Variants in CNTNAP5 observed in about 807,000 individuals in gnomAD.
The protein encoded by CNTNAP5 is contactin-associated protein-like 5.
In CNTNAP5, 72 loss-of-function variants were observed where a neutral mutation model predicts 150.2. That is an observed-to-expected ratio of 0.48 (90% CI 0.40 to 0.58). CNTNAP5 has a LOEUF of 0.58. Among genes scored for constraint, CNTNAP5 ranks in the 20% least tolerant of loss-of-function variants. The pLI is 0.00. For synonymous variants in CNTNAP5, 672 were observed against 619.8 expected (o/e 1.08, Z -1.25); for missense variants, 1,636 against 1,626.2 (o/e 1.01, Z -0.10).
intron 12 of CNTNAP5, among the ~76,000 whole-genome samples, chr2:124,633,763 A>T (rs1587789): frequency 0.52 from 79,538 of 152,070 alleles, 21,928 homozygotes; most frequent in Non-Finnish European, 0.62. Flanking sequence ...TTTCCAAATA[A>T]TTTTTGAAAT....
chr2:124,433,674 A>G (rs999821486), intron 4 of CNTNAP5, among the ~76,000 whole-genome samples: 2 of 152,186 alleles, frequency 1.3e-5, no homozygotes, highest in Non-Finnish European at 2.9e-5. Context: ...AAAGCTCATT[A>G]TAAAAGTTTT....
At chr2:124,877,567 G>A (rs935324244) in intron 21 of CNTNAP5, among the ~76,000 whole-genome samples, 3 of 152,054 alleles carry the variant, frequency 2.0e-5, no homozygotes, top group Non-Finnish European at 4.4e-5. Flanking sequence ...AAAAACTATT[G>A]AGCATTACTA....
chr2:124,766,185 T>C (rs1223018890), intron 16 of CNTNAP5, among the ~76,000 whole-genome samples: 1 of 152,134 alleles, frequency 6.6e-6, no homozygotes, highest in Admixed American at 6.5e-5. Flanking sequence ...TGGGGTAGGC[T>C]GTACCCACCA....
Position 124,645,049 on chromosome 2 carries a change from A to G in CNTNAP5, c.1877-2709A>G, listed in dbSNP as rs1260146076. Among the ~76,000 whole-genome samples the G allele has an allele frequency of 3.3e-5, 5 of 152,288 alleles. No individual in the cohort carries two copies. The South Asian group carries it at 8.3e-4, about 25-fold the overall frequency. ...GGTTTTCCTTGTCTTCTTTGTATAA[A>G]CATCATGGACATTTCAAAACTGTCC... On this transcript the variant is annotated intron_variant, in intron 12 of 23. Transcript: ENST00000682447.
intron 1 of CNTNAP5, among the ~76,000 whole-genome samples, chr2:124,039,863 A>G (rs568921624): frequency 6.6e-6 from 1 of 151,984 alleles, no homozygotes; most frequent in African/African-American, 2.4e-5. Flanking sequence ...ATATATATGC[A>G]TGCTCAGATT....
chr2:124,240,383 GA>G (rs1446916380), intron 2 of CNTNAP5, among the ~76,000 whole-genome samples: 1 of 152,128 alleles, frequency 6.6e-6, no homozygotes, highest in African/African-American at 2.4e-5. Context: ...CGCTAGCCTG[GA>G]AGTGGCACAA....
intron 19 of CNTNAP5, among the ~76,000 whole-genome samples, chr2:124,858,946 A>G (rs1431666706): frequency 6.6e-6 from 1 of 152,202 alleles, no homozygotes; most frequent in Admixed American, 6.5e-5. Context: ...ACCTAAAACC[A>G]TGAAAACCCT....
chr2:124,277,859 C>T (rs1481050218), intron 3 of CNTNAP5, among the ~76,000 whole-genome samples: 2 of 152,136 alleles, frequency 1.3e-5, no homozygotes, highest in Non-Finnish European at 2.9e-5. Context: ...AGGGTCCATG[C>T]ATTAGCAATC....
At chr2:124,164,123 A>G (rs778524737) in intron 1 of CNTNAP5, among the ~76,000 whole-genome samples, 5 of 152,216 alleles carry the variant, frequency 3.3e-5, no homozygotes, top group Non-Finnish European at 7.3e-5. Context: ...GCACTTTTGA[A>G]GTCTTTCAGC....
intron 3 of CNTNAP5, among the ~76,000 whole-genome samples, chr2:124,348,175 T>G (rs1334332702): frequency 6.6e-6 from 1 of 152,196 alleles, no homozygotes; most frequent in African/African-American, 2.4e-5. Context: ...TAAAACGCAT[T>G]TTAATTTTTT....
intron 1 of CNTNAP5, among the ~76,000 whole-genome samples, chr2:124,175,416 C>T (rs1569275): frequency 0.017 from 2,602 of 151,562 alleles, 83 homozygotes; most frequent in African/African-American, 0.059. Context: ...AAATAATATC[C>T]GTATATTCTC....
chr2:124,361,101 C>A (rs967022548), intron 3 of CNTNAP5, among the ~76,000 whole-genome samples: 4 of 145,644 alleles, frequency 2.7e-5, no homozygotes, highest in African/African-American at 2.6e-5. Context: ...TTGATCGCAT[C>A]GGCTCCTGAG....
chr2:124,344,740 A>T (rs557323973), intron 3 of CNTNAP5, among the ~76,000 whole-genome samples: 197 of 152,282 alleles, frequency 1.3e-3, no homozygotes, highest in African/African-American at 4.6e-3. Context: ...CGGGTGACAG[A>T]GTGAGACCCT....
chr2:124,566,179 T>C (rs1392488132), intron 11 of CNTNAP5, among the ~76,000 whole-genome samples: 1 of 152,142 alleles, frequency 6.6e-6, no homozygotes, highest in Non-Finnish European at 1.5e-5. Context: ...TCAGTGCTGC[T>C]GTAAGAAGTC....
Position 124,275,660 on chromosome 2 carries a change from T to C in CNTNAP5, c.381+33267T>C, listed in dbSNP as rs560402007. Among the ~76,000 whole-genome samples the C allele has an allele frequency of 2.3e-4, 35 of 152,266 alleles. No homozygotes were observed. The South Asian group carries it at 7.1e-3, about 31-fold the overall frequency. ...CCCTTCCAATGGCTGCCTTGCTTCT[T>C]GACCCATGGTTTTTCTTACATTCTG... On this transcript the variant is annotated intron_variant, in intron 3 of 23. Coordinates refer to ENST00000682447, the MANE Select transcript of CNTNAP5 (RefSeq NM_001367498.1).
intron 1 of CNTNAP5, among the ~76,000 whole-genome samples, chr2:124,162,936 T>G (rs1310529987): frequency 2.0e-5 from 3 of 151,924 alleles, no homozygotes; most frequent in African/African-American, 7.3e-5. Context: ...ACAGACAGAG[T>G]CCTTTGAAAG....
chr2:124,438,538 A>T (rs981703931), intron 5 of CNTNAP5, among the ~76,000 whole-genome samples: 2 of 152,096 alleles, frequency 1.3e-5, no homozygotes, highest in African/African-American at 4.8e-5. Context: ...CTCAAGTGAG[A>T]CTCCTAGAAT....
In CNTNAP5 at chr2:124,148,784, T is replaced by C. The variant is rs889736626; in HGVS notation, c.83-72921T>C. Among the ~76,000 whole-genome samples, 20 of 39,510 alleles carry C rather than the reference T, an allele frequency of 5.1e-4. No individual in the cohort carries two copies. In the South Asian group the frequency reaches 0.016, roughly 33 times the overall value. 25.9% of individuals were successfully genotyped at this position (39,510 alleles called of 152,430 possible). A position where few individuals can be genotyped will look rare whatever the true frequency, so the allele number is the denominator to read the frequency against. The stretch of plus-strand genomic sequence containing the variant: ...ATATTTGCGTGTGCACATATGTGTG[T>C]ATACATATATGTGTGTATACATGTG... On this transcript the variant is annotated intron_variant, in intron 1 of 23. Coordinates refer to ENST00000682447, the MANE Select transcript of CNTNAP5 (RefSeq NM_001367498.1).
chr2:124,527,201 C>G, intron 9 of CNTNAP5, 84 bp from the exon 10 acceptor site: 3 of 1,185,752 alleles, frequency 2.5e-6, no homozygotes, highest in East Asian at 4.8e-5. Context: ...ACTAATTAGA[C>G]CTCAAGGTCT....
Sources: gnomAD v4.1 joint callset for allele counts (sites outside exome capture counted in the v4.1 genomes callset) on GRCh38, gnomAD v4.1.1 for gene constraint, MANE v1.5 for transcripts, NCBI Gene and HGNC (gene_info 2026-07-23, HGNC 2026-07-21) for gene names.